PTPRO: variants seen among roughly 807,000 people sequenced by gnomAD.
PTPRO encodes the protein protein tyrosine phosphatase receptor type O.
Under a neutral mutation model 145.2 loss-of-function variants are expected in PTPRO, and 62 were observed. That is an observed-to-expected ratio of 0.43 (90% CI 0.35 to 0.53). The LOEUF is 0.53. Among genes scored for constraint, PTPRO ranks in the 20% least tolerant of loss-of-function variants. The probability of loss-of-function intolerance (pLI) is 0.01; values close to 1 mark genes in which losing one functional copy is unlikely to be tolerated. For synonymous variants in PTPRO, 565 were observed against 514.7 expected, an observed-to-expected ratio of 1.10 and a Z score of -1.32; for missense variants, 1,345 against 1,482.7, an observed-to-expected ratio of 0.91 and a Z score of 1.53.
At chr12:15,425,734 C>CATATATAG (rs1940267943) in intron 1 of PTPRO, among the ~76,000 whole-genome samples, 1 of 11,100 alleles carries the variant, frequency 9.0e-5, no homozygotes, top group African/African-American at 4.3e-4. Context: ...AAAATAGATT[C>CATATATAG]ATGCATTTTT....
At chr12:15,579,138 G>A (rs1944253547) in intron 20 of PTPRO, among the ~76,000 whole-genome samples, 195 bp downstream of exon 20, 1 of 152,118 alleles carries the variant, frequency 6.6e-6, no homozygotes, top group African/African-American at 2.4e-5. Flanking sequence ...TTTAATTATT[G>A]TGCTTTTAAA....
chr12:15,488,798 C>T (rs1286873745), intron 2 of PTPRO, among the ~76,000 whole-genome samples: 1 of 152,134 alleles, frequency 6.6e-6, no homozygotes, highest in Admixed American at 6.5e-5. Context: ...ATTTCACAAC[C>T]CTTAGGCTGT....
At chr12:15,426,312 T>C (rs1293539444) in intron 1 of PTPRO, among the ~76,000 whole-genome samples, 1 of 151,994 alleles carries the variant, frequency 6.6e-6, no homozygotes, top group African/African-American at 2.4e-5. Context: ...TAGTAGTTTT[T>C]CAATTAGTTA....
intron 3 of PTPRO, among the ~76,000 whole-genome samples, chr12:15,498,936 A>G (rs1172433215): frequency 6.6e-6 from 1 of 152,084 alleles, no homozygotes; most frequent in Admixed American, 6.6e-5. Context: ...TTCTCTTTAA[A>G]GTTTTCTAAG....
rs1289998981 is a variant in PTPRO at position 15,474,667 on chromosome 12, A to C, written c.76-9307A>C. Among the ~76,000 whole-genome samples the C allele has an allele frequency of 2.0e-5, 3 of 152,240 alleles. No homozygotes were observed. The East Asian group carries it at 5.8e-4, about 29-fold the overall frequency. Reference sequence around the variant, plus strand: ...CAAGCAATATTATTACTTCATCTCAAAAAAAGTTTTACATATTTTTTTACA... The same window carrying C: ...CAAGCAATATTATTACTTCATCTCACAAAAAGTTTTACATATTTTTTTACA... On this transcript the variant is annotated intron_variant, in intron 1 of 26. Transcript: ENST00000281171.
intron 1 of PTPRO, among the ~76,000 whole-genome samples, chr12:15,398,690 C>T (rs1308995863): frequency 6.8e-6 from 1 of 147,972 alleles, no homozygotes; most frequent in Non-Finnish European, 1.5e-5. Context: ...TACAGAAACT[C>T]TTTTTTTTTT....
At chr12:15,595,895 CAG>C (rs1374752429) in intron 26 of PTPRO, 193 bp from the exon 27 acceptor site, 1 of 152,930 alleles carries the variant, frequency 6.5e-6, no homozygotes, top group East Asian at 1.9e-4. Context: ...TAAAGAAAGA[CAG>C]AGAGAAACAA....
chr12:15,455,645 A>T (rs1903414), intron 1 of PTPRO, among the ~76,000 whole-genome samples: 130,840 of 152,140 alleles, frequency 0.86, 59,133 homozygotes, highest in Non-Finnish European at 0.99. Context: ...TCCTTTTCAG[A>T]TATTAAAAAT....
rs373475894 is a variant in PTPRO, at chr12:15,559,198, G to C, written c.2628-995G>C. ...AATTCATGGAATTTATGGGAGACCA[G>C]TCATGGGAGAGCTGAAGCAAAAAAG... On this transcript the variant is annotated intron_variant, in intron 16 of 26. Coordinates refer to ENST00000281171, the MANE Select transcript of PTPRO (RefSeq NM_030667.3). Among the ~76,000 whole-genome samples, 13 of 152,302 alleles carry C rather than the reference G, an allele frequency of 8.5e-5. 1 individual carries two copies. The highest frequency in any genetic ancestry group is 3.1e-4 in the African/African-American group (13 of 41,570).
chr12:15,498,556 T>G (rs563425900), intron 3 of PTPRO, among the ~76,000 whole-genome samples: 3 of 152,270 alleles, frequency 2.0e-5, no homozygotes, highest in African/African-American at 7.2e-5. Flanking sequence ...AGGCCCCATC[T>G]CAAAATGAAT....
intron 12 of PTPRO, among the ~76,000 whole-genome samples, chr12:15,529,850 G>A (rs1942923591): frequency 6.6e-6 from 1 of 152,074 alleles, no homozygotes; most frequent in African/African-American, 2.4e-5. Flanking sequence ...CAACAAAACG[G>A]CAGTAGTAAA....
chr12:15,522,546 GA>G (rs1221982467), intron 10 of PTPRO, among the ~76,000 whole-genome samples: 1 of 151,938 alleles, frequency 6.6e-6, no homozygotes, highest in Non-Finnish European at 1.5e-5. Context: ...GTGTGTGTGT[GA>G]TTTTTTTTAC....
At chr12:15,378,370 AAAGAAAATACACTATTATATTCTTAT>A (rs1938752694) in intron 1 of PTPRO, among the ~76,000 whole-genome samples, 1 of 152,034 alleles carries the variant, frequency 6.6e-6, no homozygotes, top group Admixed American at 6.6e-5. Context: ...TATATTCTTA[AAAGAAAATACACTATTATATTCTTAT>A]AAGAAAATAC....
intron 1 of PTPRO, among the ~76,000 whole-genome samples, chr12:15,399,427 T>G (rs1168042155): frequency 6.6e-6 from 1 of 152,132 alleles, no homozygotes; most frequent in Non-Finnish European, 1.5e-5. Flanking sequence ...AGGAGTTGAA[T>G]CCAGGCAGTC....
At chr12:15,408,844 G>A (rs1284644107) in intron 1 of PTPRO, among the ~76,000 whole-genome samples, 1 of 152,042 alleles carries the variant, frequency 6.6e-6, no homozygotes, top group Non-Finnish European at 1.5e-5. Context: ...CTTAGCCTCG[G>A]TATCTTTAAC....
chr12:15,514,451 C>CAAAAA (rs71438353), intron 7 of PTPRO, among the ~76,000 whole-genome samples: 37 of 68,460 alleles, frequency 5.4e-4, no homozygotes, highest in African/African-American at 9.0e-4. Flanking sequence ...GACTCTGTCT[C>CAAAAA]AAAAAAAAAA....
chr12:15,324,013 AT>A (rs1358433628), intron 1 of PTPRO, among the ~76,000 whole-genome samples: 3 of 152,180 alleles, frequency 2.0e-5, no homozygotes, highest in African/African-American at 7.2e-5. Flanking sequence ...ATGTTTTAAC[AT>A]TTTTTCTTAA....
intron 24 of PTPRO, among the ~76,000 whole-genome samples, chr12:15,588,656 G>C (rs1257926534): frequency 6.6e-6 from 1 of 152,160 alleles, no homozygotes; most frequent in Non-Finnish European, 1.5e-5. Flanking sequence ...GTGGTGAACT[G>C]AACTTAGGGT....
chr12:15,475,816 G>A (rs1941640534), intron 1 of PTPRO, among the ~76,000 whole-genome samples: 1 of 151,946 alleles, frequency 6.6e-6, no homozygotes, highest in Admixed American at 6.6e-5. Flanking sequence ...TACTTAGCAG[G>A]CTGTGTGGTT....
Sources: gnomAD v4.1 joint callset for allele counts (sites outside exome capture counted in the v4.1 genomes callset) on GRCh38, gnomAD v4.1.1 for gene constraint, MANE v1.5 for transcripts, NCBI Gene and HGNC (gene_info 2026-07-23, HGNC 2026-07-21) for gene names.